The following SNX29 variants were observed in gnomAD, a reference collection of about 807,000 sequenced individuals.
SNX29 encodes sorting nexin 29.
In SNX29, 78 loss-of-function variants were observed where a neutral mutation model predicts 102.1. That is an observed-to-expected ratio of 0.76 (90% CI 0.64 to 0.92). SNX29 has a LOEUF of 0.92. Among genes scored for constraint, SNX29 ranks in the 40% least tolerant of loss-of-function variants. The pLI, the probability that SNX29 is intolerant of heterozygous loss-of-function variation, is 0.00. For synonymous variants in SNX29, 580 were observed against 414.5 expected (o/e 1.40, Z -4.85); for missense variants, 1,280 against 1,061.7 (o/e 1.21, Z -2.86).
rs1364744743 is a variant in SNX29 at position 12,574,063 on chromosome 16, G to T, written c.*5434G>T. On this transcript the variant is annotated 3_prime_UTR_variant, in exon 21 of 21. Coordinates refer to ENST00000566228, the MANE Select transcript of SNX29 (RefSeq NM_032167.5). The stretch of plus-strand genomic sequence containing the variant: ...ATAGTCTGTGTGTACATAAGGTCTA[G>T]AAGTCTGTGGAAACGCCCTGAAACC... 1.0e-5 allele frequency: 2 copies of T among 192,196 alleles called. No individual in the cohort carries two copies. The highest frequency in any genetic ancestry group is 6.1e-5 in the Admixed American group (1 of 16,334). 11.9% of individuals were successfully genotyped at this position (192,196 alleles called of 1,614,324 possible). A position where few individuals can be genotyped will look rare whatever the true frequency, so the allele number is the denominator to read the frequency against.
intron 19 of SNX29, among the ~76,000 whole-genome samples, chr16:12,486,790 C>T (rs1035643628): frequency 5.9e-5 from 9 of 152,216 alleles, no homozygotes; most frequent in African/African-American, 1.9e-4. Flanking sequence ...CCACACCCAC[C>T]GCTCCACCCT....
chr16:12,008,358 C>T (rs901374378), intron 3 of SNX29, among the ~76,000 whole-genome samples: 1 of 152,188 alleles, frequency 6.6e-6, no homozygotes, highest in Non-Finnish European at 1.5e-5. Flanking sequence ...CAACCTCTGC[C>T]TCCTGGGTTC....
At chr16:12,407,474 T>C (rs1459095191) in intron 18 of SNX29, among the ~76,000 whole-genome samples, 1 of 152,238 alleles carries the variant, frequency 6.6e-6, no homozygotes, top group Non-Finnish European at 1.5e-5. Flanking sequence ...AGAAAGCTAC[T>C]AAATAAACAA....
At chr16:12,010,532 G>T (rs2056612669) in intron 3 of SNX29, among the ~76,000 whole-genome samples, 1 of 152,136 alleles carries the variant, frequency 6.6e-6, no homozygotes, top group Non-Finnish European at 1.5e-5. Flanking sequence ...AGGCTGAAGC[G>T]GGAGGATCAC....
At chr16:12,106,186 G>A (rs2053229244) in intron 11 of SNX29, among the ~76,000 whole-genome samples, 1 of 152,192 alleles carries the variant, frequency 6.6e-6, no homozygotes. Flanking sequence ...TGTGGGCTGA[G>A]GGAGGGACTG....
intron 13 of SNX29, among the ~76,000 whole-genome samples, chr16:12,171,406 G>A (rs1033790452): frequency 6.6e-6 from 1 of 152,196 alleles, no homozygotes; most frequent in Non-Finnish European, 1.5e-5. Flanking sequence ...CAGCAAATGT[G>A]TGGTTTTGAA....
intron 15 of SNX29, among the ~76,000 whole-genome samples, chr16:12,284,619 A>G (rs867534793): frequency 6.6e-6 from 1 of 152,218 alleles, no homozygotes; most frequent in African/African-American, 2.4e-5. Context: ...TTCAATAGCA[A>G]TTAACAGTAA....
At chr16:12,166,070 A>G (rs925271346) in intron 13 of SNX29, among the ~76,000 whole-genome samples, 1 of 152,262 alleles carries the variant, frequency 6.6e-6, no homozygotes, top group Admixed American at 6.5e-5. Context: ...TATTCATGGT[A>G]GTAGTATTAA....
At chr16:12,230,887 C>T (rs2077749749) in intron 14 of SNX29, among the ~76,000 whole-genome samples, 1 of 152,120 alleles carries the variant, frequency 6.6e-6, no homozygotes, top group South Asian at 2.1e-4. Context: ...CTCTCTGTCA[C>T]CCAGGCTGGA....
At chr16:12,408,087 G>T (rs1305055587) in intron 18 of SNX29, among the ~76,000 whole-genome samples, 2 of 152,004 alleles carry the variant, frequency 1.3e-5, no homozygotes, top group African/African-American at 4.8e-5. Context: ...GAGCCCAGGA[G>T]TTTGAGATTG....
At chr16:12,464,804 GGTA>G (rs1211035253) in intron 18 of SNX29, among the ~76,000 whole-genome samples, 1 of 152,070 alleles carries the variant, frequency 6.6e-6, no homozygotes, top group Non-Finnish European at 1.5e-5. Context: ...GATTCTGTAT[GGTA>G]GTGCTATTTT....
At chr16:12,025,979 A>T (rs1398230650) in intron 3 of SNX29, among the ~76,000 whole-genome samples, 1 of 152,194 alleles carries the variant, frequency 6.6e-6, no homozygotes, top group Admixed American at 6.5e-5. Flanking sequence ...TACGTGCCTC[A>T]TCTATATTAA....
intron 18 of SNX29, among the ~76,000 whole-genome samples, chr16:12,464,229 C>CGTGTGTGTGTGTGTGT (rs138917966): frequency 0.017 from 2,328 of 141,022 alleles, 22 homozygotes; most frequent in Middle Eastern, 0.033. Flanking sequence ...TATTCCATGG[C>CGTGTGTGTGTGTGTGT]GTGTGTGTGT....
chr16:12,006,978 G>T (rs529343334), intron 3 of SNX29, among the ~76,000 whole-genome samples: 1 of 152,124 alleles, frequency 6.6e-6, no homozygotes, highest in South Asian at 2.1e-4. Flanking sequence ...CATAGCCTAC[G>T]TTAGACGTTT....
At position 12,565,880 on chromosome 16, in the gene SNX29, C is replaced by T. The variant is rs186784859; in HGVS notation, c.2319-2626C>T. Among the ~76,000 whole-genome samples, 87 of 152,332 alleles carry T rather than the reference C, an allele frequency of 5.7e-4. No individual in the cohort carries two copies. The South Asian group carries it at 0.015, about 25-fold the overall frequency. ...CCCTCTGTGCCCTGCTCAGAACAAC[C>T]TGAGTTCCCTCTCATTGGGGCATCC... On this transcript the variant is annotated intron_variant, in intron 20 of 20. Coordinates refer to ENST00000566228, the MANE Select transcript of SNX29 (RefSeq NM_032167.5).
At chr16:12,494,822 C>G (rs1461035456) in intron 19 of SNX29, among the ~76,000 whole-genome samples, 1 of 152,200 alleles carries the variant, frequency 6.6e-6, no homozygotes, top group Non-Finnish European at 1.5e-5. Context: ...TCTTAGCTCT[C>G]CGCTGTGAGC....
intron 20 of SNX29, among the ~76,000 whole-genome samples, chr16:12,536,628 G>A (rs1253355248): frequency 1.3e-5 from 2 of 152,158 alleles, no homozygotes; most frequent in African/African-American, 2.4e-5. Context: ...GCTGCAGCAG[G>A]GGTGTATACA....
intron 20 of SNX29, among the ~76,000 whole-genome samples, chr16:12,543,711 G>T (rs1271809715): frequency 2.0e-5 from 3 of 152,216 alleles, no homozygotes; most frequent in Non-Finnish European, 2.9e-5. Context: ...TTAACCACGG[G>T]AATTAATGAA....
chr16:12,144,503 C>G (rs350269), intron 13 of SNX29, among the ~76,000 whole-genome samples: 4,580 of 152,034 alleles, frequency 0.03, 236 homozygotes, highest in African/African-American at 0.11. Flanking sequence ...AGGGGAGGTG[C>G]GATTCATGCT....
Sources: allele counts gnomAD v4.1 joint callset (sites outside exome capture counted in the v4.1 genomes callset), GRCh38; gene constraint gnomAD v4.1.1; transcripts MANE v1.5; gene names NCBI Gene and HGNC (gene_info 2026-07-23, HGNC 2026-07-21).